HDX: variants seen among roughly 807,000 people sequenced by gnomAD.
HDX encodes the protein chromosome X open reading frame 43.
A neutral mutation model predicts 45.2 loss-of-function variants in HDX; 19 were observed. That is an observed-to-expected ratio of 0.42 (90% CI 0.29 to 0.62). HDX has a LOEUF of 0.62. Ranked by LOEUF, HDX falls within the 20% of genes least tolerant of loss-of-function variation. The probability of loss-of-function intolerance (pLI) is 0.20; values close to 1 mark genes in which losing one functional copy is unlikely to be tolerated. For synonymous variants in HDX, 188 were observed against 172.8 expected (o/e 1.09, Z -0.69); for missense variants, 532 against 493.9 (o/e 1.08, Z -0.73).
intron 4 of HDX, among the ~76,000 whole-genome samples, chrX:84,445,448 A>G (rs928892570): frequency 9.0e-6 from 1 of 110,734 alleles, no homozygotes; most frequent in Non-Finnish European, 1.9e-5. Context: ...TGAGGTGTAC[A>G]GCACAGAGAA....
chrX:84,345,998 T>C (rs2037193653), intron 6 of HDX, among the ~76,000 whole-genome samples: 1 of 111,693 alleles, frequency 9.0e-6, no homozygotes, highest in Non-Finnish European at 1.9e-5. Flanking sequence ...GTTCTTTATA[T>C]ATTCTAAATA....
At chrX:84,431,839 A>G (rs5922996) in intron 5 of HDX, among the ~76,000 whole-genome samples, 25,772 of 110,112 alleles carry the variant, frequency 0.23, 2,771 homozygotes, top group Middle Eastern at 0.34. Context: ...TCTTCAGTTT[A>G]ATTTGGTCCC....
chrX:84,397,713 G>T (rs1177040221), intron 5 of HDX, among the ~76,000 whole-genome samples: 1 of 111,635 alleles, frequency 9.0e-6, no homozygotes, highest in East Asian at 2.8e-4. Context: ...TGGCTATTTA[G>T]CTTCTTATTT....
At chrX:84,410,324 C>T (rs891993738) in intron 5 of HDX, among the ~76,000 whole-genome samples, 2 of 110,924 alleles carry the variant, frequency 1.8e-5, no homozygotes, top group Non-Finnish European at 3.8e-5. Context: ...TGAGTATGTT[C>T]TTTGATTCCT....
At chrX:84,350,896 T>C (rs936279858) in intron 6 of HDX, among the ~76,000 whole-genome samples, 1 of 111,721 alleles carries the variant, frequency 9.0e-6, no homozygotes, top group African/African-American at 3.3e-5. Context: ...TGTATTTTGT[T>C]GTATTTTTCC....
At chrX:84,457,928 G>T (rs1569354471) in intron 4 of HDX, among the ~76,000 whole-genome samples, 1 of 111,784 alleles carries the variant, frequency 8.9e-6, no homozygotes, top group Non-Finnish European at 1.9e-5. Flanking sequence ...TGGGGGAGGG[G>T]AAATTGGAAA....
At position 84,431,577 on chromosome X, in the gene HDX, A is replaced by T. The variant is rs2039505690; in HGVS notation, c.1305+8955T>A. On this transcript the variant is annotated intron_variant, in intron 5 of 10. Transcript: ENST00000373177. ...TGTGAGATATCTTGTTGTGATTTTG[A>T]TTTGCATTTCTCTAATGATTATGAG... Among the ~76,000 whole-genome samples, 3 of 110,894 alleles carry T rather than the reference A, an allele frequency of 2.7e-5. No individual in the cohort carries two copies. In the South Asian group the frequency reaches 1.1e-3, roughly 41 times the overall value.
At chrX:84,443,852 C>T (rs2039815416) in intron 4 of HDX, among the ~76,000 whole-genome samples, 1 of 111,729 alleles carries the variant, frequency 9.0e-6, no homozygotes, top group Admixed American at 9.5e-5. Flanking sequence ...ACTTTCCAGT[C>T]AGGTATTTCT....
chrX:84,361,761 A>C, intron 5 of HDX, 149 bp from the exon 6 acceptor site: 1 of 380,554 alleles, frequency 2.6e-6, no homozygotes, highest in South Asian at 1.0e-4. Context: ...CCGTTCTGAA[A>C]ATAAGCATTT....
intron 9 of HDX, among the ~76,000 whole-genome samples, chrX:84,330,917 A>G (rs1385352202): frequency 8.9e-6 from 1 of 112,354 alleles, no homozygotes; most frequent in East Asian, 2.8e-4. Context: ...AAGTAAATCA[A>G]TGCTTGTGAG....
At chrX:84,357,932 C>T (rs1323013628) in intron 6 of HDX, among the ~76,000 whole-genome samples, 1 of 111,857 alleles carries the variant, frequency 8.9e-6, no homozygotes, top group African/African-American at 3.3e-5. Flanking sequence ...CCTTATTCTT[C>T]TCCCTCTCTG....
intron 3 of HDX, among the ~76,000 whole-genome samples, chrX:84,472,780 G>GTAGGAAAGTATATAAA (rs1286456989): frequency 0.013 from 1,451 of 111,073 alleles, 36 homozygotes; most frequent in African/African-American, 0.046. Flanking sequence ...ATTGAAGAAA[G>GTAGGAAAGTATATAAA]TAGGAAAGTA....
chrX:84,354,964 TATATATATAC>T lies in HDX; in HGVS notation c.1452+6492_1452+6501del, dbSNP rs1427204826. Among the ~76,000 whole-genome samples the T allele has an allele frequency of 6.5e-4, 50 of 77,240 alleles. 1 individual carries two copies. Among genetic ancestry groups the T allele is most frequent in the African/African-American group, 2.4e-3 (45 of 19,026 alleles). 67.1% of individuals were successfully genotyped at this position (77,240 alleles called of 115,157 possible). ...ATATATATATATATATATATATATA[TATATATATAC>T]ACATACATACACACACGCACACACA... On this transcript the variant is annotated intron_variant, in intron 6 of 10. Coordinates refer to ENST00000373177, the MANE Select transcript of HDX (RefSeq NM_001177479.2).
At chrX:84,406,352 T>C (rs1433827092) in intron 5 of HDX, among the ~76,000 whole-genome samples, 1 of 109,513 alleles carries the variant, frequency 9.1e-6, no homozygotes, top group East Asian at 2.9e-4. Flanking sequence ...GAAAACTAGG[T>C]GAAGTAATAG....
chrX:84,323,676 C>T (rs1246390421), intron 10 of HDX, among the ~76,000 whole-genome samples: 4 of 111,698 alleles, frequency 3.6e-5, no homozygotes, highest in Non-Finnish European at 5.7e-5. Flanking sequence ...ACAACTAATA[C>T]ATGTGGTCCA....
At chrX:84,446,896 A>G (rs2039885590) in intron 4 of HDX, among the ~76,000 whole-genome samples, 2 of 111,736 alleles carry the variant, frequency 1.8e-5, no homozygotes, top group South Asian at 7.4e-4. Flanking sequence ...TGTGAGTAAG[A>G]GAGTGTGAGG....
intron 5 of HDX, among the ~76,000 whole-genome samples, chrX:84,436,440 T>C (rs1265372038): frequency 1.8e-5 from 2 of 111,925 alleles, no homozygotes; most frequent in East Asian, 2.8e-4. Context: ...ATTTTTTTTC[T>C]AGTTTTTGAT....
At chrX:84,397,048 C>G (rs886976621) in intron 5 of HDX, among the ~76,000 whole-genome samples, 4 of 112,155 alleles carry the variant, frequency 3.6e-5, no homozygotes, top group African/African-American at 1.3e-4. Flanking sequence ...GGGGAGCATG[C>G]TCTTTGCTCA....
chrX:84,359,177 A>AATTTT (rs903667175), intron 6 of HDX, among the ~76,000 whole-genome samples: 14 of 111,390 alleles, frequency 1.3e-4, no homozygotes, highest in East Asian at 2.8e-4. Context: ...TAATTTTTAA[A>AATTTT]ATTTTATTTT....
Sources: allele counts gnomAD v4.1 joint callset (sites outside exome capture counted in the v4.1 genomes callset), GRCh38; gene constraint gnomAD v4.1.1; transcripts MANE v1.5; gene names NCBI Gene and HGNC (gene_info 2026-07-23, HGNC 2026-07-21).